The following ALMS1 variants were observed in gnomAD, a reference collection of about 807,000 sequenced individuals.
The protein encoded by ALMS1 is ALMS1 centrosome and basal body associated protein.
Under a neutral mutation model 352.2 loss-of-function variants are expected in ALMS1, and 271 were observed. The observed-to-expected ratio is 0.77, with a 90% CI of 0.70 to 0.85. ALMS1 has a LOEUF of 0.85. Ranked by LOEUF, ALMS1 falls within the 40% of genes least tolerant of loss-of-function variation. The pLI is 0.00. For synonymous variants in ALMS1, 1,865 were observed against 1,761.2 expected, an observed-to-expected ratio of 1.06 and a Z score of -1.48; for missense variants, 5,445 against 4,870.7, an observed-to-expected ratio of 1.12 and a Z score of -3.51.
chr2:73,487,789 C>T (rs982078156), intron 9 of ALMS1, among the ~76,000 whole-genome samples: 5 of 152,186 alleles, frequency 3.3e-5, no homozygotes, highest in Non-Finnish European at 7.3e-5. Flanking sequence ...CTCCTTTCTG[C>T]AGGCAGGTCA....
chr2:73,598,537 A>G (rs570534187), intron 16 of ALMS1, among the ~76,000 whole-genome samples: 2 of 152,314 alleles, frequency 1.3e-5, no homozygotes, highest in East Asian at 3.9e-4. Context: ...ACTCTGGAAT[A>G]TGGTTTATCT....
At chr2:73,409,365 G>A (rs1447280458) in intron 2 of ALMS1, among the ~76,000 whole-genome samples, 11 of 151,782 alleles carry the variant, frequency 7.2e-5, no homozygotes, top group Admixed American at 2.0e-4. Context: ...CTCTTGCCTC[G>A]GCCTCCTAAA....
Position 73,448,747 on chromosome 2 carries a change from T to TAG in ALMS1, c.2221_2222insGA (p.Thr741ArgfsTer39), listed in dbSNP as rs769291842. ...ACAGTCATCAAACTGAAGAGACTCT[T>TAG]ACTAAAGTTTCAGCCACTCCTGGAC... On this transcript the variant is annotated frameshift_variant, in exon 8 of 23. Coordinates refer to ENST00000613296, the MANE Select transcript of ALMS1 (RefSeq NM_001378454.1). LOFTEE classifies it high-confidence loss of function. The TAG allele has an allele frequency of 6.2e-7, 1 of 1,605,236 alleles. No individual in the cohort carries two copies. The highest frequency in any genetic ancestry group is 8.5e-7 in the Non-Finnish European group (1 of 1,174,122).
intron 7 of ALMS1, 93 bp downstream of exon 7, chr2:73,432,384 A>G: frequency 1.2e-6 from 1 of 829,936 alleles, no homozygotes; most frequent in Admixed American, 2.1e-5. Context: ...ATTTTTTAAT[A>G]TCTATAATAA....
chr2:73,570,922 G>C (rs1054299047), intron 15 of ALMS1, among the ~76,000 whole-genome samples: 2 of 152,128 alleles, frequency 1.3e-5, no homozygotes, highest in Non-Finnish European at 2.9e-5. Flanking sequence ...CCTCCTCAGA[G>C]AATTCTTCTC....
At position 73,448,959 on chromosome 2, in the gene ALMS1, A is replaced by G. The variant is rs1327749130; in HGVS notation, c.2432A>G (p.Tyr811Cys). Residue 811 changes from tyrosine (Y) to cysteine (C), a missense_variant, in exon 8 of 23, where the codon TAC becomes TGC. By Grantham distance (194) the Tyr-to-Cys change is radical. Transcript: ENST00000613296. Reference sequence around the variant, plus strand: ...CTACCAACAGTACCCTCTAGTGCATACTCACACAGAGAGAAGCTCCTTGTT... The same window carrying G: ...CTACCAACAGTACCCTCTAGTGCATGCTCACACAGAGAGAAGCTCCTTGTT... The part of the protein sequence containing the change: ...TGLPTVPSSA[Y>C]SHREKLLVFY... 1.2e-6 allele frequency: 2 copies of G among 1,613,962 alleles called. No individual in the cohort carries two copies. The highest frequency in any genetic ancestry group is 1.1e-5 in the South Asian group (1 of 91,074).
chr2:73,404,047 G>A (rs1015586017), intron 1 of ALMS1, among the ~76,000 whole-genome samples: 1 of 151,962 alleles, frequency 6.6e-6, no homozygotes, highest in Admixed American at 6.6e-5. Context: ...CTACAGGCGC[G>A]CTGCCACACC....
rs1474595045 is a variant in ALMS1 at position 73,452,650 on chromosome 2, G to C, written c.6123G>C (p.Gln2041His). The change falls in exon 8 of 23, where the codon CAG (glutamine) becomes CAC (histidine). Residue 2041 changes from glutamine (Q) to histidine (H), a missense_variant. Transcript: ENST00000613296. ...CAAATGACCAGAAGACTCCATCCCAGACAGCTTTTCATAGTTCCTATTCTC... is the reference window on the plus strand; with the variant it reads ...CAAATGACCAGAAGACTCCATCCCACACAGCTTTTCATAGTTCCTATTCTC... ...IGPNDQKTPSQTAFHSSYSQT... is the reference protein window; with the variant it reads ...IGPNDQKTPSHTAFHSSYSQT... The C allele has an allele frequency of 1.2e-5, 19 of 1,613,926 alleles. No homozygotes were observed. The highest frequency in any genetic ancestry group is 1.7e-5 in the Admixed American group (1 of 60,008).
intron 15 of ALMS1, among the ~76,000 whole-genome samples, chr2:73,567,791 G>A (rs567950660): frequency 3.3e-4 from 50 of 152,204 alleles, no homozygotes; most frequent in Non-Finnish European, 5.9e-4. Flanking sequence ...AAAAGTTCTG[G>A]TTTTCTGACT....
At chr2:73,465,250 A>G (rs1672306630) in intron 9 of ALMS1, among the ~76,000 whole-genome samples, 3 of 152,094 alleles carry the variant, frequency 2.0e-5, no homozygotes, top group Admixed American at 6.5e-5. Flanking sequence ...CTACAAGGCT[A>G]CAGTAACCAA....
intron 9 of ALMS1, among the ~76,000 whole-genome samples, chr2:73,463,044 TCAA>T (rs1248556333): frequency 2.6e-5 from 4 of 152,076 alleles, no homozygotes; most frequent in African/African-American, 9.7e-5. Context: ...ATTAGACAGA[TCAA>T]CGAGACAGAA....
chr2:73,425,513 A>C (rs1233518237), intron 5 of ALMS1, among the ~76,000 whole-genome samples: 3 of 152,182 alleles, frequency 2.0e-5, no homozygotes, highest in Non-Finnish European at 4.4e-5. Flanking sequence ...TGTATTTTCA[A>C]GAGGAAAGAA....
At chr2:73,439,506 A>G (rs1343644958) in intron 7 of ALMS1, among the ~76,000 whole-genome samples, 1 of 152,118 alleles carries the variant, frequency 6.6e-6, no homozygotes, top group Non-Finnish European at 1.5e-5. Flanking sequence ...GGGTCATTTA[A>G]AAAAAATCCT....
At chr2:73,566,251 A>G (rs1022032656) in intron 15 of ALMS1, among the ~76,000 whole-genome samples, 2 of 152,258 alleles carry the variant, frequency 1.3e-5, no homozygotes, top group African/African-American at 4.8e-5. Context: ...AAAACACTTT[A>G]CAGCTTCTCT....
intron 19 of ALMS1, 61 bp from the exon 20 acceptor site, chr2:73,602,124 T>C: frequency 6.5e-7 from 1 of 1,529,156 alleles, no homozygotes; most frequent in Non-Finnish European, 8.9e-7. Context: ...TCCAGGCATA[T>C]GGAGAGTAGA....
rs1190139716 is a variant in ALMS1 at position 73,419,275 on chromosome 2, A to G, written c.603A>G (p.Gln201=). The G allele has an allele frequency of 6.2e-7, 1 of 1,614,120 alleles. No homozygotes were observed. Among genetic ancestry groups the G allele is most frequent in the Admixed American group, 1.7e-5 (1 of 60,018 alleles). ...GCATATTGACGCAATCAGAAAATCA[A>G]GTAAAGGAACCCAACAGAGATCTCT... The part of the protein sequence containing the change: ...EEGILTQSEN[Q]VKEPNRDLFC... Residue 201 remains glutamine (Q), a synonymous_variant, in exon 3 of 23, where the codon CAA becomes CAG. Transcript: ENST00000613296.
At chr2:73,492,073 T>C (rs1040652451) in intron 10 of ALMS1, among the ~76,000 whole-genome samples, 1 of 152,152 alleles carries the variant, frequency 6.6e-6, no homozygotes, top group South Asian at 2.1e-4. Flanking sequence ...CCCCACCTCA[T>C]AGAGTATTGT....
Position 73,609,853 on chromosome 2 carries a change from C to T in ALMS1, c.*241C>T, listed in dbSNP as rs572103948. On this transcript the variant is annotated 3_prime_UTR_variant, in exon 23 of 23. Transcript: ENST00000613296. Reference sequence around the variant, plus strand: ...GTGTGTTACAATGATATGATCATTTCTCAAGAATAAGTCCCTTTTTGTATG... The same window carrying T: ...GTGTGTTACAATGATATGATCATTTTTCAAGAATAAGTCCCTTTTTGTATG... 14 of 511,040 alleles carry T rather than the reference C, an allele frequency of 2.7e-5. No homozygotes were observed. The highest frequency in any genetic ancestry group is 2.7e-4 in the South Asian group (12 of 44,382). 31.7% of individuals were successfully genotyped at this position (511,040 alleles called of 1,614,324 possible). A position where few individuals can be genotyped will look rare whatever the true frequency, so the allele number is the denominator to read the frequency against.
At position 73,426,490 on chromosome 2, in the gene ALMS1, TC is replaced by T. The variant is rs1671381820; in HGVS notation, c.1276del (p.Leu426TrpfsTer4). On this transcript the variant is annotated frameshift_variant, in exon 6 of 23. Transcript: ENST00000613296. LOFTEE classifies it high-confidence loss of function. ...QGKVESDVITLDGLNENAVVC... is the reference protein window; with the variant it reads ...QGKVESDVITXDGLNENAVVC... Reference sequence around the variant, plus strand: ...GGAAGGTTGAGTCTGACGTCATTACTCTGGATGGCCTAAATGAAAATGCTGT... The same window carrying T: ...GGAAGGTTGAGTCTGACGTCATTACTTGGATGGCCTAAATGAAAATGCTGT... 6.2e-7 allele frequency: 1 copy of T among 1,614,178 alleles called. No individual in the cohort carries two copies. The highest frequency in any genetic ancestry group is 1.1e-5 in the South Asian group (1 of 91,088).
Sources: gnomAD v4.1 joint callset for allele counts (sites outside exome capture counted in the v4.1 genomes callset) on GRCh38, gnomAD v4.1.1 for gene constraint, MANE v1.5 for transcripts, NCBI Gene and HGNC (gene_info 2026-07-23, HGNC 2026-07-21) for gene names.